BICC1: variants seen among roughly 807,000 people sequenced by gnomAD.
BICC1 encodes the protein BicC family RNA binding protein 1, also known as protein bicaudal C homolog 1.
In BICC1, 43 loss-of-function variants were observed where a neutral mutation model predicts 111.0. The ratio of observed to expected loss-of-function variants is 0.39; its 90% confidence interval spans 0.30 to 0.50. The LOEUF is 0.50. Among genes scored for constraint, BICC1 ranks in the 20% least tolerant of loss-of-function variants. The pLI, the probability that BICC1 is intolerant of heterozygous loss-of-function variation, is 0.88. For missense variants in BICC1, 1,091 were observed against 1,203.2 expected, an observed-to-expected ratio of 0.91 and a Z score of 1.38; for synonymous variants, 467 against 434.4, an observed-to-expected ratio of 1.07 and a Z score of -0.93.
At chr10:58,530,762 A>G (rs754468523) in intron 1 of BICC1, among the ~76,000 whole-genome samples, 5 of 151,726 alleles carry the variant, frequency 3.3e-5, no homozygotes, top group Non-Finnish European at 7.4e-5. Flanking sequence ...TTTGTTCTAA[A>G]TCAAAGAAAC....
chr10:58,627,628 CA>C (rs201096961), intron 2 of BICC1, among the ~76,000 whole-genome samples: 1,811 of 152,252 alleles, frequency 0.012, 36 homozygotes, highest in African/African-American at 0.042. Context: ...AAGAGGGTGG[CA>C]TTAGCTGTTT....
intron 1 of BICC1, among the ~76,000 whole-genome samples, chr10:58,592,641 G>A (rs1393712096): frequency 6.6e-6 from 1 of 151,760 alleles, no homozygotes; most frequent in African/African-American, 2.4e-5. Flanking sequence ...CGTAAACCCA[G>A]GAGGCGGAGG....
rs146028880 is a variant in BICC1, at chr10:58,720,186, A to G, written c.307+18043A>G. Among the ~76,000 whole-genome samples the G allele has an allele frequency of 7.5e-4, 114 of 152,312 alleles. 1 individual carries two copies. In the East Asian group the frequency reaches 0.015, roughly 21 times the overall value. ...CTTAAACCTTTCTTGGAATCACCCAAAACAAACTGAAATAGTATCCTAAGT... is the reference window on the plus strand; with the variant it reads ...CTTAAACCTTTCTTGGAATCACCCAGAACAAACTGAAATAGTATCCTAAGT... On this transcript the variant is annotated intron_variant, in intron 3 of 20. Transcript: ENST00000373886.
intron 1 of BICC1, among the ~76,000 whole-genome samples, chr10:58,534,173 G>A (rs1842764164): frequency 6.6e-6 from 1 of 151,594 alleles, no homozygotes; most frequent in East Asian, 1.9e-4. Context: ...GGTAAAGGAG[G>A]GCATTAAGTC....
In BICC1 at chr10:58,525,805, C is replaced by T. The variant is rs143668537; in HGVS notation, c.190+12472C>T. On this transcript the variant is annotated intron_variant, in intron 1 of 20. Transcript: ENST00000373886. The stretch of plus-strand genomic sequence containing the variant: ...CCTAACAACCATTTTCATTTTTCTG[C>T]CTTGAATTAGAGTTTATGTAGTTGC... 2.0e-3 allele frequency among the ~76,000 whole-genome samples: 297 copies of T among 151,996 alleles called. 4 individuals are homozygous for T. Among genetic ancestry groups the T allele is most frequent in the African/African-American group, 6.9e-3 (287 of 41,498 alleles).
intron 17 of BICC1, among the ~76,000 whole-genome samples, chr10:58,811,993 G>C (rs778767276): frequency 4.6e-5 from 7 of 152,116 alleles, no homozygotes; most frequent in Non-Finnish European, 8.8e-5. Context: ...GGATTATGGA[G>C]CCTGTCAGTT....
chr10:58,789,338 C>T lies in BICC1; in HGVS notation c.677C>T (p.Pro226Leu). The change falls in exon 7 of 21, where the codon CCC (proline) becomes CTC (leucine). Residue 226 changes from proline (P) to leucine (L), a missense_variant. Physicochemically the swap from Pro to Leu is moderately conservative, Grantham distance 98. Coordinates refer to ENST00000373886, the MANE Select transcript of BICC1 (RefSeq NM_001080512.3). ...CAACCGGTTCCTGATCCTAATTCCC[C>T]CTCTATTCAGCATATATCACAAACG... ...ILQPVPDPNS[P>L]SIQHISQTYN... 2.5e-6 allele frequency: 4 copies of T among 1,613,976 alleles called. No homozygotes were observed. The highest frequency in any genetic ancestry group is 3.4e-6 in the Non-Finnish European group (4 of 1,179,932).
intron 1 of BICC1, among the ~76,000 whole-genome samples, chr10:58,619,222 T>C (rs1161832769): frequency 1.3e-5 from 2 of 152,228 alleles, no homozygotes; most frequent in African/African-American, 4.8e-5. Context: ...TATTCAGCCC[T>C]ACCACATATT....
At chr10:58,692,376 C>T (rs942342324) in intron 2 of BICC1, among the ~76,000 whole-genome samples, 5 of 152,166 alleles carry the variant, frequency 3.3e-5, no homozygotes, top group African/African-American at 1.2e-4. Flanking sequence ...AGGTAGTCTT[C>T]ACTTTGCATG....
intron 1 of BICC1, among the ~76,000 whole-genome samples, chr10:58,556,196 A>G (rs1335677018): frequency 6.6e-6 from 1 of 152,076 alleles, no homozygotes; most frequent in Non-Finnish European, 1.5e-5. Flanking sequence ...GAATATGTCT[A>G]ATTTTTATTG....
intron 2 of BICC1, among the ~76,000 whole-genome samples, chr10:58,689,694 A>G (rs1336404195): frequency 1.3e-5 from 2 of 152,226 alleles, no homozygotes; most frequent in African/African-American, 4.8e-5. Context: ...GTACAAGCAA[A>G]GCGGAGCAAA....
chr10:58,631,158 T>C (rs1235948914), intron 2 of BICC1, among the ~76,000 whole-genome samples: 1 of 152,196 alleles, frequency 6.6e-6, no homozygotes, highest in Non-Finnish European at 1.5e-5. Context: ...TTTTCATCCC[T>C]CTTACACTTC....
rs185249266 is a variant in BICC1 at position 58,620,640 on chromosome 10, A to G, written c.191-215A>G. On this transcript the variant is annotated intron_variant, in intron 1 of 20. Coordinates refer to ENST00000373886, the MANE Select transcript of BICC1 (RefSeq NM_001080512.3). Reference sequence around the variant, plus strand: ...TTTGTGAGTCTTTCAGACAAAGCAAAAGAGTGTTAAATAATCCAGAGACAT... The same window carrying G: ...TTTGTGAGTCTTTCAGACAAAGCAAGAGAGTGTTAAATAATCCAGAGACAT... Among the ~76,000 whole-genome samples, 35 of 152,318 alleles carry G rather than the reference A, an allele frequency of 2.3e-4. No homozygotes were observed. The East Asian group carries it at 6.2e-3, about 27-fold the overall frequency.
rs569167989 is a variant in BICC1, at chr10:58,519,365, T to A, written c.190+6032T>A. Reference sequence around the variant, plus strand: ...TGCTGCAAAAGACTCTGGGAATGTATCTTCTTTTTCCAGCCTCACTAGTGG... The same window carrying A: ...TGCTGCAAAAGACTCTGGGAATGTAACTTCTTTTTCCAGCCTCACTAGTGG... On this transcript the variant is annotated intron_variant, in intron 1 of 20. Coordinates refer to ENST00000373886, the MANE Select transcript of BICC1 (RefSeq NM_001080512.3). 2.0e-5 allele frequency among the ~76,000 whole-genome samples: 3 copies of A among 152,342 alleles called. No homozygotes were observed. The East Asian group carries it at 5.8e-4, about 29-fold the overall frequency.
chr10:58,824,866 C>G (rs1470775968), intron 20 of BICC1, among the ~76,000 whole-genome samples: 1 of 152,114 alleles, frequency 6.6e-6, no homozygotes, highest in Non-Finnish European at 1.5e-5. Context: ...TGTGTACTTG[C>G]ATGAGTTTGT....
chr10:58,584,069 C>T (rs866023726), intron 1 of BICC1, among the ~76,000 whole-genome samples: 39 of 150,800 alleles, frequency 2.6e-4, no homozygotes, highest in Middle Eastern at 3.4e-3. Context: ...CACACACACA[C>T]ACACACACAC....
chr10:58,523,527 T>C (rs1439706264), intron 1 of BICC1, among the ~76,000 whole-genome samples: 2 of 152,148 alleles, frequency 1.3e-5, no homozygotes, highest in African/African-American at 4.8e-5. Flanking sequence ...AAACTCTCAA[T>C]AAATTAGGTA....
rs2132778173 is a variant in BICC1, at chr10:58,783,554, C to T, written c.308-1447C>T. 2.6e-5 allele frequency among the ~76,000 whole-genome samples: 4 copies of T among 152,150 alleles called. 1 individual carries two copies. The South Asian group carries it at 8.3e-4, about 32-fold the overall frequency. On this transcript the variant is annotated intron_variant, in intron 3 of 20. Coordinates refer to ENST00000373886, the MANE Select transcript of BICC1 (RefSeq NM_001080512.3). ...CACCCAGTGATTCTCATGCCTTATCCTAGAGAATAGATGCTTTAGGAGTTA... is the reference window on the plus strand; with the variant it reads ...CACCCAGTGATTCTCATGCCTTATCTTAGAGAATAGATGCTTTAGGAGTTA...
intron 1 of BICC1, among the ~76,000 whole-genome samples, chr10:58,517,947 T>C (rs187421368): frequency 1.3e-5 from 2 of 152,010 alleles, no homozygotes; most frequent in East Asian, 3.9e-4. Context: ...TTTAGTTTGG[T>C]CTTAAATTAT....
Sources: gnomAD v4.1 joint callset for allele counts (sites outside exome capture counted in the v4.1 genomes callset) on GRCh38, gnomAD v4.1.1 for gene constraint, MANE v1.5 for transcripts, NCBI Gene and HGNC (gene_info 2026-07-23, HGNC 2026-07-21) for gene names.